The following SPON1 variants were observed in gnomAD, a reference collection of about 807,000 sequenced individuals.
SPON1 encodes spondin 1, also known as spondin-1.
A neutral mutation model predicts 111.7 loss-of-function variants in SPON1; 52 were observed. That is an observed-to-expected ratio of 0.47 (90% CI 0.37 to 0.59). The LOEUF (loss-of-function observed/expected upper bound fraction) is 0.59. Ranked by LOEUF, SPON1 falls within the 20% of genes least tolerant of loss-of-function variation. SPON1 has a pLI of 0.00. For synonymous variants in SPON1, 410 were observed against 395.8 expected (o/e 1.04, Z -0.43); for missense variants, 957 against 1,068.5 (o/e 0.90, Z 1.46).
intron 6 of SPON1, among the ~76,000 whole-genome samples, chr11:14,173,882 G>A (rs1554932808): frequency 1.5e-4 from 22 of 148,376 alleles, no homozygotes; most frequent in Admixed American, 1.4e-3. Context: ...CTGGCCGTGT[G>A]AGGTGTCAGT....
At position 13,962,806 on chromosome 11, in the gene SPON1, G is replaced by C. The variant is rs1554907598; in HGVS notation, c.-99G>C. ...CGCCAGCTCCGAGCTCCCTCTCTCCGCCGCGCCTCCGCCAGGTCGCGCCTT... is the reference window on the plus strand; with the variant it reads ...CGCCAGCTCCGAGCTCCCTCTCTCCCCCGCGCCTCCGCCAGGTCGCGCCTT... On this transcript the variant is annotated 5_prime_UTR_variant, in exon 1 of 16. Coordinates refer to ENST00000576479, the MANE Select transcript of SPON1 (RefSeq NM_006108.4). 2 of 1,166,714 alleles carry C rather than the reference G, an allele frequency of 1.7e-6. No individual in the cohort carries two copies. Among genetic ancestry groups the C allele is most frequent in the African/African-American group, 3.3e-5 (2 of 60,928 alleles). The allele number at this position is 1,166,714 out of a possible 1,614,324, so 72.3% of individuals were successfully genotyped here.
intron 2 of SPON1, among the ~76,000 whole-genome samples, chr11:14,005,100 T>A (rs1481319548): frequency 6.6e-6 from 1 of 152,250 alleles, no homozygotes; most frequent in Non-Finnish European, 1.5e-5. Flanking sequence ...TTATTTATTT[T>A]ATTTTTGTAG....
intron 6 of SPON1, among the ~76,000 whole-genome samples, chr11:14,213,662 A>G (rs1554936921): frequency 6.6e-6 from 1 of 152,228 alleles, no homozygotes; most frequent in Admixed American, 6.5e-5. Flanking sequence ...TCCAGCCTCA[A>G]GAGTCCTTCA....
intron 6 of SPON1, among the ~76,000 whole-genome samples, chr11:14,161,201 T>C (rs184548271): frequency 2.8e-4 from 8 of 28,632 alleles, no homozygotes; most frequent in Non-Finnish European, 3.8e-4. Flanking sequence ...CTATATATAT[T>C]TATATATTTA....
chr11:14,139,041 C>T (rs1258864181), intron 6 of SPON1, among the ~76,000 whole-genome samples: 3 of 152,150 alleles, frequency 2.0e-5, no homozygotes, highest in Non-Finnish European at 4.4e-5. Context: ...TCATGCCACT[C>T]CCCCACTTAA....
At chr11:13,970,341 A>G (rs782437226) in intron 1 of SPON1, among the ~76,000 whole-genome samples, 62 of 152,226 alleles carry the variant, frequency 4.1e-4, no homozygotes, top group Admixed American at 3.9e-4. Context: ...AATGTTCAGG[A>G]AAACTTAAGG....
At chr11:14,053,509 A>T (rs1051684276) in intron 3 of SPON1, among the ~76,000 whole-genome samples, 3 of 152,204 alleles carry the variant, frequency 2.0e-5, no homozygotes, top group Non-Finnish European at 2.9e-5. Flanking sequence ...ATAATTCCCC[A>T]TTGTATGGAT....
At chr11:14,246,219 G>A (rs1355613132) in intron 7 of SPON1, among the ~76,000 whole-genome samples, 3 of 152,138 alleles carry the variant, frequency 2.0e-5, no homozygotes, top group East Asian at 3.9e-4. Context: ...AGCACATTCA[G>A]GAAAGAGATA....
At chr11:13,986,456 A>G (rs1848185645) in intron 2 of SPON1, among the ~76,000 whole-genome samples, 1 of 152,114 alleles carries the variant, frequency 6.6e-6, no homozygotes, top group Admixed American at 6.5e-5. Flanking sequence ...CAAGTCAAAT[A>G]TTTCAGGTAT....
At chr11:13,972,739 G>A (rs1314923970) in intron 1 of SPON1, among the ~76,000 whole-genome samples, 2 of 152,150 alleles carry the variant, frequency 1.3e-5, no homozygotes, top group Non-Finnish European at 2.9e-5. Context: ...TGAGCCTGCT[G>A]GTGATTCTTG....
chr11:14,196,064 TAG>T (rs1375761189), intron 6 of SPON1, among the ~76,000 whole-genome samples: 2 of 152,210 alleles, frequency 1.3e-5, no homozygotes, highest in South Asian at 2.1e-4. Flanking sequence ...AATTTTAAAG[TAG>T]AGTCTTTAAA....
chr11:14,136,618 C>T (rs762634828), intron 6 of SPON1, among the ~76,000 whole-genome samples: 12 of 152,202 alleles, frequency 7.9e-5, no homozygotes, highest in Non-Finnish European at 1.0e-4. Context: ...TTGGAGGCAA[C>T]AAAGGTCACT....
chr11:14,022,326 G>A (rs941536759), intron 2 of SPON1, among the ~76,000 whole-genome samples: 1 of 152,190 alleles, frequency 6.6e-6, no homozygotes, highest in Non-Finnish European at 1.5e-5. Context: ...ATTAGCACAG[G>A]TAAATGGAGG....
chr11:14,072,459 A>C (rs1163732971), intron 3 of SPON1, among the ~76,000 whole-genome samples: 1 of 151,994 alleles, frequency 6.6e-6, no homozygotes, highest in African/African-American at 2.4e-5. Flanking sequence ...AGTAGGAGGA[A>C]GAAGATTCAG....
intron 2 of SPON1, among the ~76,000 whole-genome samples, chr11:14,040,525 C>G (rs1848624160): frequency 1.3e-5 from 2 of 152,038 alleles, no homozygotes; most frequent in Admixed American, 1.3e-4. Context: ...ATGGTCTTTG[C>G]TTTGTCCAGT....
chr11:14,222,375 A>G (rs545078982), intron 6 of SPON1, among the ~76,000 whole-genome samples: 1 of 152,318 alleles, frequency 6.6e-6, no homozygotes, highest in Non-Finnish European at 1.5e-5. Context: ...CTGTCTTGAT[A>G]TTTTGAGACA....
chr11:13,995,229 A>G (rs1464428025), intron 2 of SPON1, among the ~76,000 whole-genome samples: 14 of 152,162 alleles, frequency 9.2e-5, no homozygotes, highest in Admixed American at 8.5e-4. Context: ...TAATGAATGC[A>G]CTAATGACCA....
At chr11:14,243,423 C>A in intron 7 of SPON1, 27 bp downstream of exon 7, 1 of 1,552,290 alleles carries the variant, frequency 6.4e-7, no homozygotes, top group Non-Finnish European at 8.7e-7. Flanking sequence ...CCTTGCCTGG[C>A]CTGTCTTATC....
rs183339559 is a variant in SPON1 at position 14,160,413 on chromosome 11, A to T, written c.825+24845A>T. On this transcript the variant is annotated intron_variant, in intron 6 of 15. Coordinates refer to ENST00000576479, the MANE Select transcript of SPON1 (RefSeq NM_006108.4). ...TTTTTATATATATATTTATATATAT[A>T]TATTTATATATATATATTTATATAT... Among the ~76,000 whole-genome samples the T allele has an allele frequency of 3.6e-4, 20 of 55,280 alleles. 2 individuals are homozygous for T. The highest frequency in any genetic ancestry group is 1.7e-3 in the African/African-American group (19 of 11,074). 36.3% of individuals were successfully genotyped at this position (55,280 alleles called of 152,430 possible).
Sources: gnomAD v4.1 joint callset for allele counts (sites outside exome capture counted in the v4.1 genomes callset) on GRCh38, gnomAD v4.1.1 for gene constraint, MANE v1.5 for transcripts, NCBI Gene and HGNC (gene_info 2026-07-23, HGNC 2026-07-21) for gene names.